The following XPO6 variants were observed in gnomAD, a reference collection of about 807,000 sequenced individuals.
XPO6 encodes exportin 6.
A neutral mutation model predicts 130.0 loss-of-function variants in XPO6; 3 were observed. The observed-to-expected ratio is 0.02, with a 90% CI of 0.01 to 0.06. The LOEUF (loss-of-function observed/expected upper bound fraction) is 0.06, where lower values mean the gene tolerates loss of function less well. XPO6 is among the 10% of genes least tolerant of loss of function. The probability of loss-of-function intolerance (pLI) is 1.00; values close to 1 mark genes in which losing one functional copy is unlikely to be tolerated. For synonymous variants in XPO6, 524 were observed against 548.9 expected, an observed-to-expected ratio of 0.95 and a Z score of 0.63; for missense variants, 970 against 1,393.0, an observed-to-expected ratio of 0.70 and a Z score of 4.83.
At chr16:28,210,444 C>G (rs1458391747) in intron 1 of XPO6, among the ~76,000 whole-genome samples, 2 of 152,224 alleles carry the variant, frequency 1.3e-5, no homozygotes, top group Non-Finnish European at 2.9e-5. Flanking sequence ...CAAGGGCTTA[C>G]TATGTGCCAG....
At chr16:28,170,015 T>C in intron 4 of XPO6, 106 bp from the exon 5 acceptor site, 2 of 1,415,856 alleles carry the variant, frequency 1.4e-6, no homozygotes, top group Non-Finnish European at 9.6e-7. Flanking sequence ...TAATCTTACA[T>C]GAACATAAAT....
intron 1 of XPO6, among the ~76,000 whole-genome samples, chr16:28,208,016 C>CGCAATGGCAG (rs66497460): frequency 6.6e-6 from 1 of 151,630 alleles, no homozygotes; most frequent in Non-Finnish European, 1.5e-5. Flanking sequence ...ACTAGCTGGG[C>CGCAATGGCAG]GTGCCTGTAA....
chr16:28,105,339 CT>C (rs1236024514), intron 20 of XPO6, among the ~76,000 whole-genome samples: 1 of 152,206 alleles, frequency 6.6e-6, no homozygotes, highest in Admixed American at 6.5e-5. Context: ...TTGACTCCAA[CT>C]CCCCCAATCC....
chr16:28,104,452 T>C, intron 21 of XPO6, 94 bp downstream of exon 21: 1 of 1,486,100 alleles, frequency 6.7e-7, no homozygotes, highest in Non-Finnish European at 9.2e-7. Context: ...AGAACTGAGC[T>C]TCAGACCCGA....
intron 8 of XPO6, among the ~76,000 whole-genome samples, chr16:28,149,631 C>G (rs1468556460): frequency 1.3e-5 from 2 of 152,174 alleles, no homozygotes; most frequent in African/African-American, 4.8e-5. Context: ...CACAGTAACA[C>G]ACTGCACAGG....
At chr16:28,158,877 C>T (rs896942433) in intron 6 of XPO6, among the ~76,000 whole-genome samples, 4 of 151,892 alleles carry the variant, frequency 2.6e-5, no homozygotes, top group African/African-American at 9.7e-5. Flanking sequence ...CAAAATGAAA[C>T]AGGGGAAAAA....
At chr16:28,163,804 G>A (rs556256836) in intron 6 of XPO6, among the ~76,000 whole-genome samples, 32 of 152,318 alleles carry the variant, frequency 2.1e-4, no homozygotes, top group Admixed American at 1.0e-3. Context: ...GACAATGACC[G>A]TGCACCTAGA....
chr16:28,191,700 G>A (rs1016845068), intron 1 of XPO6, among the ~76,000 whole-genome samples: 106 of 152,206 alleles, frequency 7.0e-4, no homozygotes, highest in African/African-American at 2.5e-3. Flanking sequence ...CCTTGAGGAA[G>A]CACAGAGGAG....
intron 16 of XPO6, among the ~76,000 whole-genome samples, chr16:28,112,551 A>G (rs1411990035): frequency 6.6e-6 from 1 of 152,230 alleles, no homozygotes; most frequent in Non-Finnish European, 1.5e-5. Flanking sequence ...TCTCAACCCC[A>G]AAGAACACAC....
intron 1 of XPO6, among the ~76,000 whole-genome samples, chr16:28,210,641 CAA>C (rs923539291): frequency 1.3e-5 from 2 of 152,162 alleles, no homozygotes; most frequent in African/African-American, 4.8e-5. Flanking sequence ...TGTGGATACA[CAA>C]AGAGATGTGA....
chr16:28,183,594 C>G (rs1184813596), intron 1 of XPO6, among the ~76,000 whole-genome samples: 1 of 152,148 alleles, frequency 6.6e-6, no homozygotes, highest in Non-Finnish European at 1.5e-5. Context: ...AACAACAATA[C>G]CTGCCTCACA....
At chr16:28,154,154 C>G in intron 7 of XPO6, 1 of 983,416 alleles carries the variant, frequency 1.0e-6, no homozygotes, top group South Asian at 4.7e-5. Flanking sequence ...ACTCCTTCCT[C>G]ACTCACTTAT....
At chr16:28,204,698 G>A (rs1567653744) in intron 1 of XPO6, among the ~76,000 whole-genome samples, 1 of 152,146 alleles carries the variant, frequency 6.6e-6, no homozygotes, top group Non-Finnish European at 1.5e-5. Context: ...GCTATGAGAT[G>A]AGGAAGAAAC....
chr16:28,128,510 T>C (rs928995092), intron 12 of XPO6, among the ~76,000 whole-genome samples: 1 of 152,216 alleles, frequency 6.6e-6, no homozygotes, highest in Non-Finnish European at 1.5e-5. Flanking sequence ...GCTGAATACC[T>C]GAGAACAAGC....
At chr16:28,139,650 A>G (rs1235789995) in intron 9 of XPO6, among the ~76,000 whole-genome samples, 1 of 152,206 alleles carries the variant, frequency 6.6e-6, no homozygotes, top group African/African-American at 2.4e-5. Flanking sequence ...ACTCTAATCT[A>G]TATGGTGGTA....
chr16:28,201,100 G>C (rs920006400), intron 1 of XPO6, among the ~76,000 whole-genome samples: 1 of 151,870 alleles, frequency 6.6e-6, no homozygotes, highest in Non-Finnish European at 1.5e-5. Context: ...ATTAGCTTTG[G>C]GGCTCCCCAG....
At chr16:28,208,132 C>A (rs1049668148) in intron 1 of XPO6, among the ~76,000 whole-genome samples, 1 of 152,102 alleles carries the variant, frequency 6.6e-6, no homozygotes, top group South Asian at 2.1e-4. Context: ...GGTGACAGAG[C>A]GAGACTCCGT....
In XPO6 at chr16:28,152,692, A is replaced by G. The variant is rs775613792; in HGVS notation, c.1191T>C (p.Phe397=). 12 of 1,612,904 alleles carry G rather than the reference A, an allele frequency of 7.4e-6. No individual in the cohort carries two copies. The highest frequency in any genetic ancestry group is 9.3e-6 in the Non-Finnish European group (11 of 1,179,730). The change falls in exon 8 of 24, where the codon TTT becomes TTC. Residue 397 remains phenylalanine (F), a synonymous_variant. Transcript: ENST00000304658. ...ATGTGTACTTGAACAAAAGTGTCAAAAACTCCACCACAGGGAACTGGGAGT... is the reference window on the plus strand; with the variant it reads ...ATGTGTACTTGAACAAAAGTGTCAAGAACTCCACCACAGGGAACTGGGAGT... ...ESYSQFPVVE[F]LTLLFKYTFH...
At chr16:28,176,514 T>TC (rs1208645578) in intron 3 of XPO6, among the ~76,000 whole-genome samples, 5 of 151,978 alleles carry the variant, frequency 3.3e-5, no homozygotes, top group East Asian at 1.9e-4. Context: ...TTTTTTTTTT[T>TC]TGAGACGGAG....
Sources: allele counts gnomAD v4.1 joint callset (sites outside exome capture counted in the v4.1 genomes callset), GRCh38; gene constraint gnomAD v4.1.1; transcripts MANE v1.5; gene names NCBI Gene and HGNC (gene_info 2026-07-23, HGNC 2026-07-21).